The following BCL2 variants were observed in gnomAD, a reference collection of about 807,000 sequenced individuals.
BCL2 encodes BCL2 apoptosis regulator.
A neutral mutation model predicts 14.2 loss-of-function variants in BCL2; 1 was observed. The ratio of observed to expected loss-of-function variants is 0.07; its 90% CI spans 0.02 to 0.33. BCL2 has a LOEUF of 0.33. Among genes scored for constraint, BCL2 ranks in the 10% least tolerant of loss-of-function variants. The probability of loss-of-function intolerance (pLI) is 0.99; values close to 1 mark genes in which losing one functional copy is unlikely to be tolerated. For missense variants in BCL2, 247 were observed against 305.9 expected, an observed-to-expected ratio of 0.81 and a Z score of 1.44; for synonymous variants, 151 against 137.2, an observed-to-expected ratio of 1.10 and a Z score of -0.70.
intron 2 of BCL2, chr18:63,314,785 C>A (rs143761157): frequency 6.6e-6 from 1 of 152,312 alleles, no homozygotes; most frequent in African/African-American, 2.4e-5. Context: ...AGAGCTAATT[C>A]TCTTGCCTTT....
intron 2 of BCL2, among the ~76,000 whole-genome samples, chr18:63,142,487 G>A (rs942824765): frequency 1.3e-5 from 2 of 152,178 alleles, no homozygotes; most frequent in African/African-American, 4.8e-5. Flanking sequence ...TTGGTTTGGG[G>A]CAGGTAAGTC....
chr18:63,220,733 T>C (rs781762638), intron 2 of BCL2, among the ~76,000 whole-genome samples: 1 of 150,926 alleles, frequency 6.6e-6, no homozygotes. Flanking sequence ...CAAAAGGAGC[T>C]AGAAAAGGTG....
chr18:63,248,048 C>T (rs1209994676), intron 2 of BCL2, among the ~76,000 whole-genome samples: 2 of 152,194 alleles, frequency 1.3e-5, no homozygotes. Flanking sequence ...CTTCTGATAC[C>T]AGAGTCAGCA....
At chr18:63,233,406 T>C (rs1910739381) in intron 2 of BCL2, among the ~76,000 whole-genome samples, 1 of 152,216 alleles carries the variant, frequency 6.6e-6, no homozygotes, top group Admixed American at 6.5e-5. Flanking sequence ...ATGATACTAG[T>C]TATTGTTTAT....
chr18:63,302,710 G>C, intron 2 of BCL2: 1 of 985,192 alleles, frequency 1.0e-6, no homozygotes, highest in Non-Finnish European at 1.2e-6. Context: ...GAGAAAGTAG[G>C]GGGGAAAAAG....
At chr18:63,198,595 GAC>G (rs1209771006) in intron 2 of BCL2, among the ~76,000 whole-genome samples, 22 of 135,244 alleles carry the variant, frequency 1.6e-4, no homozygotes, top group East Asian at 1.1e-3. Flanking sequence ...TAGACACAGA[GAC>G]ACACACACAG....
chr18:63,188,535 A>G (rs1222728058), intron 2 of BCL2, among the ~76,000 whole-genome samples: 1 of 152,202 alleles, frequency 6.6e-6, no homozygotes, highest in African/African-American at 2.4e-5. Flanking sequence ...GTTTAATTAT[A>G]TAGGTGATAG....
intron 2 of BCL2, among the ~76,000 whole-genome samples, chr18:63,209,799 A>G (rs542895403): frequency 6.6e-6 from 1 of 152,240 alleles, no homozygotes; most frequent in African/African-American, 2.4e-5. Flanking sequence ...TGAGTGGGGG[A>G]AGACAGAGAA....
At chr18:63,274,277 C>CTTTTTTTTTTTTTTTTTTTTTTTTTTTTT (rs74169950) in intron 2 of BCL2, among the ~76,000 whole-genome samples, 1 of 86,752 alleles carries the variant, frequency 1.2e-5, no homozygotes. Context: ...TAAAGATACT[C>CTTTTTTTTTTTTTTTTTTTTTTTTTTTTT]TTTTTTTTTT....
chr18:63,202,924 GT>G (rs1909739873), intron 2 of BCL2, among the ~76,000 whole-genome samples: 1 of 152,182 alleles, frequency 6.6e-6, no homozygotes, highest in Admixed American at 6.5e-5. Context: ...TGCCCCCGGA[GT>G]GGATTTCTTC....
At chr18:63,204,487 T>C (rs1298358786) in intron 2 of BCL2, among the ~76,000 whole-genome samples, 1 of 152,188 alleles carries the variant, frequency 6.6e-6, no homozygotes, top group African/African-American at 2.4e-5. Context: ...GGTCAGACTC[T>C]CCCAACAACC....
rs565548957 is a variant in BCL2 at position 63,315,151 on chromosome 18, G to A, written c.585+2931C>T. 35 of 152,306 alleles carry A rather than the reference G, an allele frequency of 2.3e-4. 1 individual carries two copies. Among genetic ancestry groups the A allele is most frequent in the African/African-American group, 8.4e-4 (35 of 41,544 alleles). 9.4% of individuals were successfully genotyped at this position (152,306 alleles called of 1,614,324 possible). ...CACATATTCTGACTCAGTAGCTCTG[G>A]GGTGGGAGCTGAGCTTTAGCATCTC... On this transcript the variant is annotated intron_variant, in intron 2 of 2. Transcript: ENST00000333681.
At chr18:63,219,406 C>A (rs1910317320) in intron 2 of BCL2, among the ~76,000 whole-genome samples, 1 of 148,540 alleles carries the variant, frequency 6.7e-6, no homozygotes, top group African/African-American at 2.5e-5. Flanking sequence ...GGGATCTTCT[C>A]TATTTTTCTT....
chr18:63,244,398 C>A (rs895815829), intron 2 of BCL2, among the ~76,000 whole-genome samples: 5 of 150,138 alleles, frequency 3.3e-5, no homozygotes, highest in Admixed American at 6.7e-5. Context: ...ACAACAACAA[C>A]AAATACAAAA....
At chr18:63,145,629 C>G (rs1366987242) in intron 2 of BCL2, among the ~76,000 whole-genome samples, 1 of 152,240 alleles carries the variant, frequency 6.6e-6, no homozygotes, top group African/African-American at 2.4e-5. Context: ...GCATTTAATC[C>G]TTTAATGTTC....
chr18:63,311,026 C>T (rs1430188961), intron 2 of BCL2, among the ~76,000 whole-genome samples: 2 of 140,202 alleles, frequency 1.4e-5, no homozygotes, highest in Non-Finnish European at 1.6e-5. Context: ...TATGGACTCG[C>T]TTTTTTTTTT....
At position 63,149,893 on chromosome 18, in the gene BCL2, T is replaced by A. The variant is rs1041932832; in HGVS notation, c.586-21134A>T. Among the ~76,000 whole-genome samples, 8 of 147,892 alleles carry A rather than the reference T, an allele frequency of 5.4e-5. No homozygotes were observed. Among genetic ancestry groups the A allele is most frequent in the African/African-American group, 1.0e-4 (4 of 39,952 alleles). On this transcript the variant is annotated intron_variant, in intron 2 of 2. Transcript: ENST00000333681. This position sits in a 1 kb window ranked among gnomAD's most constrained non-coding sequence, Gnocchi z 4.2. ...TATTTATTTATTTATTTATTTATTT[T>A]GAGACAGCGTCTCCCTCTGTCAGTT...
chr18:63,280,646 C>A (rs1017803744), intron 2 of BCL2, among the ~76,000 whole-genome samples: 1 of 152,182 alleles, frequency 6.6e-6, no homozygotes, highest in African/African-American at 2.4e-5. Flanking sequence ...CCACTTCACA[C>A]TCATGAAGAG....
intron 2 of BCL2, among the ~76,000 whole-genome samples, chr18:63,264,821 C>T (rs1307359813): frequency 6.6e-6 from 1 of 152,240 alleles, no homozygotes; most frequent in East Asian, 1.9e-4. Flanking sequence ...ACACCCCAAA[C>T]CTCTTACTTC....
Sources: gnomAD v4.1 joint callset for allele counts (sites outside exome capture counted in the v4.1 genomes callset) on GRCh38, gnomAD v4.1.1 for gene constraint, Gnocchi (gnomAD v3.1) non-coding constraint, MANE v1.5 for transcripts, NCBI Gene and HGNC (gene_info 2026-07-23, HGNC 2026-07-21) for gene names.